The following TENM2 variants were observed in gnomAD, a reference collection of about 807,000 sequenced individuals.
The protein encoded by TENM2 is teneurin transmembrane protein 2, also known as teneurin-2.
Under a neutral mutation model 245.2 loss-of-function variants are expected in TENM2, and 52 were observed. The ratio of observed to expected loss-of-function variants is 0.21; its 90% confidence interval spans 0.17 to 0.27. The LOEUF (loss-of-function observed/expected upper bound fraction) is 0.27, where lower values mean the gene tolerates loss of function less well. TENM2 is among the 10% of genes least tolerant of loss of function. The pLI, the probability that TENM2 is intolerant of heterozygous loss-of-function variation, is 1.00. For synonymous variants in TENM2, 1,363 were observed against 1,438.9 expected (o/e 0.95, Z 1.19); for missense variants, 3,046 against 3,666.8 (o/e 0.83, Z 4.37).
intron 2 of TENM2, among the ~76,000 whole-genome samples, chr5:167,647,559 G>T (rs887486635): frequency 1.3e-5 from 2 of 152,048 alleles, no homozygotes; most frequent in Non-Finnish European, 2.9e-5. Context: ...GGAGGCAGAG[G>T]TTGCAGTGAG....
At chr5:167,912,999 T>C (rs1301791940) in intron 3 of TENM2, among the ~76,000 whole-genome samples, 2 of 152,152 alleles carry the variant, frequency 1.3e-5, no homozygotes, top group African/African-American at 4.8e-5. Flanking sequence ...CATGATGTGA[T>C]GGATGACAGG....
chr5:167,057,244 G>A, the TENM2 span, among the ~76,000 whole-genome samples: 1 of 152,088 alleles, frequency 6.6e-6, no homozygotes, highest in Non-Finnish European at 1.5e-5. Flanking sequence ...TGCATGTTGT[G>A]TACTTTTTCT....
chr5:167,949,928 A>G (rs1474485278), intron 3 of TENM2, among the ~76,000 whole-genome samples: 3 of 152,214 alleles, frequency 2.0e-5, no homozygotes, highest in African/African-American at 7.2e-5. Context: ...AATGAGCAAC[A>G]GTTAGGAGGA....
At chr5:168,235,477 T>C (rs960555098) in intron 25 of TENM2, among the ~76,000 whole-genome samples, 1 of 152,178 alleles carries the variant, frequency 6.6e-6, no homozygotes, top group African/African-American at 2.4e-5. Flanking sequence ...TTACCTCTTA[T>C]ACCTTAGCAA....
chr5:167,998,657 C>T lies in TENM2; in HGVS notation c.1186+5475C>T, dbSNP rs530992542. On this transcript the variant is annotated intron_variant, in intron 5 of 28. Transcript: ENST00000518659. ...TGTCATCCTAAATTAGTTCTTAGCTCTTCAGATCTCTGCCAAACTAAAATA... is the reference window on the plus strand; with the variant it reads ...TGTCATCCTAAATTAGTTCTTAGCTTTTCAGATCTCTGCCAAACTAAAATA... 3.9e-5 allele frequency among the ~76,000 whole-genome samples: 6 copies of T among 151,956 alleles called. No homozygotes were observed. In the South Asian group the frequency reaches 1.3e-3, roughly 32 times the overall value.
intron 12 of TENM2, among the ~76,000 whole-genome samples, chr5:168,141,889 T>G (rs911781483): frequency 6.6e-6 from 1 of 152,136 alleles, no homozygotes; most frequent in Non-Finnish European, 1.5e-5. Flanking sequence ...ATAATTTGTG[T>G]TTTTCACACA....
At chr5:167,671,808 G>A (rs1178526670) in intron 2 of TENM2, among the ~76,000 whole-genome samples, 1 of 150,440 alleles carries the variant, frequency 6.6e-6, no homozygotes, top group Admixed American at 6.7e-5. Context: ...TATAGAATAG[G>A]CACAGATATT....
intron 4 of TENM2, among the ~76,000 whole-genome samples, chr5:167,957,519 T>G (rs1224500425): frequency 2.0e-5 from 3 of 152,188 alleles, no homozygotes; most frequent in South Asian, 4.1e-4. Flanking sequence ...CTGTTAGCTT[T>G]TGATTTTGTT....
chr5:167,707,485 C>T (rs904984325), intron 2 of TENM2, among the ~76,000 whole-genome samples: 1 of 152,036 alleles, frequency 6.6e-6, no homozygotes, highest in Admixed American at 6.5e-5. Context: ...ACATGGAAAC[C>T]ATTTCCAATG....
chr5:167,491,651 CTTTT>C (rs1768434153), intron 2 of TENM2, among the ~76,000 whole-genome samples: 1 of 152,138 alleles, frequency 6.6e-6, no homozygotes, highest in Non-Finnish European at 1.5e-5. Context: ...TCTGGTCTTT[CTTTT>C]GTTTTGCTAT....
At chr5:167,585,967 A>G (rs1775461903) in intron 2 of TENM2, among the ~76,000 whole-genome samples, 1 of 152,152 alleles carries the variant, frequency 6.6e-6, no homozygotes, top group African/African-American at 2.4e-5. Context: ...TCTACAAAAA[A>G]TAAAGAAATA....
intron 13 of TENM2, chr5:168,165,258 C>T (rs1209373163): frequency 6.6e-6 from 1 of 151,940 alleles, no homozygotes; most frequent in East Asian, 1.9e-4. Context: ...CATTTTTTTT[C>T]AAGTCAGAAT....
intron 12 of TENM2, 42 bp downstream of exon 14, chr5:168,127,008 A>G: frequency 6.7e-7 from 1 of 1,487,472 alleles, no homozygotes; most frequent in Non-Finnish European, 9.2e-7. Flanking sequence ...ATCTATAGTG[A>G]TGGTCGCGCA....
At chr5:168,098,746 A>G (rs763848152) in intron 9 of TENM2, among the ~76,000 whole-genome samples, 62 of 152,136 alleles carry the variant, frequency 4.1e-4, no homozygotes, top group Non-Finnish European at 5.7e-4. Context: ...GGTATAGTGA[A>G]GAGCAGAGCG....
At chr5:167,463,504 T>TA (rs1381453057) in intron 2 of TENM2, among the ~76,000 whole-genome samples, 2 of 142,368 alleles carry the variant, frequency 1.4e-5, no homozygotes, top group Non-Finnish European at 1.6e-5. Flanking sequence ...TTATTTTATT[T>TA]TATTTTTTTT....
intron 3 of TENM2, among the ~76,000 whole-genome samples, chr5:167,946,713 C>G (rs1277228691): frequency 6.6e-6 from 1 of 152,118 alleles, no homozygotes; most frequent in African/African-American, 2.4e-5. Flanking sequence ...CGTGTGCCAG[C>G]TCTACCACTT....
At chr5:167,485,678 C>T (rs1330228793) in intron 2 of TENM2, among the ~76,000 whole-genome samples, 4 of 152,028 alleles carry the variant, frequency 2.6e-5, no homozygotes, top group African/African-American at 9.7e-5. Flanking sequence ...AACAGCAATA[C>T]TTATGAAGAA....
At chr5:167,059,941 G>A in the TENM2 span, among the ~76,000 whole-genome samples, 459 of 152,182 alleles carry the variant, frequency 3.0e-3, no homozygotes, top group African/African-American at 0.01. Flanking sequence ...GACTTCAGGT[G>A]ATCCACCAGT....
chr5:167,517,952 G>A (rs768567472), intron 2 of TENM2, among the ~76,000 whole-genome samples: 25 of 152,050 alleles, frequency 1.6e-4, no homozygotes, highest in Non-Finnish European at 2.9e-4. Flanking sequence ...CTTGGGAGGC[G>A]GAGGCAGGCA....
Sources: allele counts gnomAD v4.1 joint callset (sites outside exome capture counted in the v4.1 genomes callset), GRCh38; gene constraint gnomAD v4.1.1; transcripts MANE v1.5; gene names NCBI Gene and HGNC (gene_info 2026-07-23, HGNC 2026-07-21).